Variants in KCNH6 observed in about 807,000 individuals in gnomAD.
KCNH6 encodes the protein voltage-gated inwardly rectifying potassium channel KCNH6.
A neutral mutation model predicts 83.4 loss-of-function variants in KCNH6; 81 were observed. That is an observed-to-expected ratio of 0.97 (90% confidence interval 0.81 to 1.17). The LOEUF is 1.17. Ranked by LOEUF, KCNH6 falls within the 50% of genes most tolerant of loss-of-function variation. The pLI is 0.00. For missense variants in KCNH6, 1,203 were observed against 1,290.5 expected (o/e 0.93, Z 1.04); for synonymous variants, 503 against 545.6 (o/e 0.92, Z 1.09).
chr17:63,545,551 A>C, intron 12 of KCNH6, 58 bp from the exon 13 acceptor site: 1 of 1,546,426 alleles, frequency 6.5e-7, no homozygotes, highest in Non-Finnish European at 8.8e-7. Context: ...CCCTGAAATC[A>C]GGGTGGATTA....
In KCNH6 at chr17:63,542,219, C is replaced by T. The variant is rs1401521311; in HGVS notation, c.1955-22C>T. Reference sequence around the variant, plus strand: ...AGCATGGAGTCAGACCCTGAAGAGACTCCCACCCCTCTGGCTGGCAGGAAA... The same window carrying T: ...AGCATGGAGTCAGACCCTGAAGAGATTCCCACCCCTCTGGCTGGCAGGAAA... On this transcript the variant is annotated intron_variant, in intron 8 of 12. Transcript: ENST00000314672. 1.9e-6 allele frequency: 3 copies of T among 1,611,544 alleles called. No homozygotes were observed. The African/African-American group carries it at 4.0e-5, about 22-fold the overall frequency.
At chr17:63,542,788 A>C (rs1326602772) in intron 9 of KCNH6, among the ~76,000 whole-genome samples, 1 of 152,234 alleles carries the variant, frequency 6.6e-6, no homozygotes, top group Non-Finnish European at 1.5e-5. Flanking sequence ...GTCTGACTCC[A>C]AAGCCCAGGC....
Position 63,535,241 on chromosome 17 carries a change from C to T in KCNH6, c.1102-428C>T, listed in dbSNP as rs778084215. On this transcript the variant is annotated intron_variant, in intron 5 of 12. Transcript: ENST00000314672. The surrounding 1 kb of genome is among the most constrained non-coding windows in gnomAD (Gnocchi z 4.9). ...GCTCCTCCATCTCCCATGTGCGCAT[C>T]GGGCTGCAGTGCCACACTCGGTTTC... Among the ~76,000 whole-genome samples, 10 of 152,214 alleles carry T rather than the reference C, an allele frequency of 6.6e-5. No homozygotes were observed. The highest frequency in any genetic ancestry group is 1.4e-4 in the African/African-American group (6 of 41,450).
intron 2 of KCNH6, among the ~76,000 whole-genome samples, chr17:63,528,320 G>T (rs2031852406): frequency 6.6e-6 from 1 of 152,176 alleles, no homozygotes; most frequent in Non-Finnish European, 1.5e-5. Context: ...AAGCAGGCAG[G>T]CGCCTCTCCC....
Position 63,538,008 on chromosome 17 carries a change from C to G in KCNH6, c.1502-57C>G. 5 of 1,550,694 alleles carry G rather than the reference C, an allele frequency of 3.2e-6. No homozygotes were observed. Among genetic ancestry groups the G allele is most frequent in the Non-Finnish European group, 4.4e-6 (5 of 1,137,210 alleles). On this transcript the variant is annotated intron_variant, in intron 6 of 12. Transcript: ENST00000314672. This position sits in a 1 kb window ranked among gnomAD's most constrained non-coding sequence, Gnocchi z 4.0. The stretch of plus-strand genomic sequence containing the variant: ...GGAAGGAGGAAGACCTGGGTAAGCC[C>G]TTGGTGGTGTGGCCCAGTGGGGCCG...
intron 6 of KCNH6, among the ~76,000 whole-genome samples, chr17:63,537,689 G>C (rs1352235465): frequency 1.3e-5 from 2 of 152,116 alleles, no homozygotes; most frequent in Non-Finnish European, 2.9e-5. Flanking sequence ...TGCCCACCTC[G>C]GCCTCCCAAA....
chr17:63,546,208 C>A lies in KCNH6; in HGVS notation c.*306C>A. 1 of 218,464 alleles carries A rather than the reference C, an allele frequency of 4.6e-6. No homozygotes were observed. Among genetic ancestry groups the A allele is most frequent in the Non-Finnish European group, 9.0e-6 (1 of 111,152 alleles). 13.5% of individuals were successfully genotyped at this position (218,464 alleles called of 1,614,324 possible). On this transcript the variant is annotated 3_prime_UTR_variant, in exon 13 of 13. Transcript: ENST00000314672. ...GGAGCCGAGGCCGCACCACTGCACT[C>A]CAGCCTGGGTGACAGAGTGAGACTC... is the stretch of plus-strand genomic sequence containing the variant.
intron 8 of KCNH6, among the ~76,000 whole-genome samples, chr17:63,540,141 C>T (rs1454612608): frequency 2.0e-5 from 3 of 152,164 alleles, no homozygotes; most frequent in Non-Finnish European, 4.4e-5. Flanking sequence ...CTACCTTAGA[C>T]GTGCCATCCA....
Position 63,545,736 on chromosome 17 carries a change from G to C in KCNH6, c.2711G>C (p.Gly904Ala). The C allele has an allele frequency of 6.2e-7, 1 of 1,614,056 alleles. No individual in the cohort carries two copies. ...TCCTCAGAACAGGAACAGCCTGAGG[G>C]GCTCTGGCCACCCCTAGCCTCACCT... ...APSSEQEQPEGLWPPLASPLH... is the reference protein window; with the variant it reads ...APSSEQEQPEALWPPLASPLH... The change falls in exon 13 of 13, where the codon GGG (glycine) becomes GCG (alanine). Residue 904 changes from glycine to alanine, a missense_variant. By Grantham distance (60) the Gly-to-Ala change is moderately conservative. Transcript: ENST00000314672.
In KCNH6 at chr17:63,542,257, T is replaced by C; in HGVS notation, c.1971T>C (p.Phe657=). Residue 657 remains phenylalanine, a synonymous_variant, in exon 9 of 13, where the codon TTT becomes TTC. Coordinates refer to ENST00000314672, the MANE Select transcript of KCNH6 (RefSeq NM_001278919.2). ...VVAILGKNDI[F]GEPVSLHAQP... is the part of the protein sequence containing the mutation. ...GGCTGGCAGGAAAGAATGACATCTT[T>C]GGGGAACCCGTCAGCCTCCATGCCC... 1.2e-6 allele frequency: 2 copies of C among 1,613,786 alleles called. No individual in the cohort carries two copies. The highest frequency in any genetic ancestry group is 1.7e-6 in the Non-Finnish European group (2 of 1,179,868).
At position 63,524,304 on chromosome 17, in the gene KCNH6, G is replaced by C; in HGVS notation, c.242G>C (p.Arg81Pro). ...AACACACCAAGCAGCGCCGTGTCCC[G>C]CCTAGCGCAGGCCCTGCTGGGGGCT... ...GPNTPSSAVS[R>P]LAQALLGAEE... Residue 81 changes from arginine (R) to proline (P), a missense_variant, in exon 2 of 13, where the codon CGC becomes CCC. Coordinates refer to ENST00000314672, the MANE Select transcript of KCNH6 (RefSeq NM_001278919.2). 1 of 1,613,930 alleles carries C rather than the reference G, an allele frequency of 6.2e-7. No individual in the cohort carries two copies. Among genetic ancestry groups the C allele is most frequent in the Non-Finnish European group, 8.5e-7 (1 of 1,180,004 alleles).
In KCNH6 at chr17:63,535,912, A is replaced by G; in HGVS notation, c.1345A>G (p.Asn449Asp). ...SLGVQLGKRY[N>D]GSDPASGPSV... ...GGGTGTGCAGCTTGGCAAGCGCTACAACGGCAGCGACCCAGCCTCGGGCCC... is the reference window on the plus strand; with the variant it reads ...GGGTGTGCAGCTTGGCAAGCGCTACGACGGCAGCGACCCAGCCTCGGGCCC... Residue 449 changes from asparagine (N) to aspartate (D), a missense_variant, in exon 6 of 13, where the codon AAC becomes GAC. Transcript: ENST00000314672. This position sits in a 1 kb window ranked among gnomAD's most constrained non-coding sequence, Gnocchi z 4.9. 14 of 1,614,058 alleles carry G rather than the reference A, an allele frequency of 8.7e-6. No homozygotes were observed. The highest frequency in any genetic ancestry group is 1.2e-5 in the Non-Finnish European group (14 of 1,180,040).
chr17:63,525,174 C>T (rs1392557026), intron 2 of KCNH6, among the ~76,000 whole-genome samples: 1 of 152,184 alleles, frequency 6.6e-6, no homozygotes, highest in Admixed American at 6.5e-5. Flanking sequence ...TGAGATGAGG[C>T]CAAGCGGGTG....
chr17:63,526,808 C>G (rs1273700825), intron 2 of KCNH6, among the ~76,000 whole-genome samples: 1 of 152,158 alleles, frequency 6.6e-6, no homozygotes, highest in East Asian at 1.9e-4. Context: ...TTTGTGTTCA[C>G]ATAGCTCCAC....
chr17:63,535,528 A>T lies in KCNH6; in HGVS notation c.1102-141A>T. ...ATGTCCCATACTGTGCCACACTGCC[A>T]AGTGCGTGGCCCGGAGGAAGTTCTC... On this transcript the variant is annotated intron_variant, in intron 5 of 12. Transcript: ENST00000314672. The surrounding 1 kb of genome is among the most constrained non-coding windows in gnomAD (Gnocchi z 4.9). The T allele has an allele frequency of 1.4e-6, 1 of 737,406 alleles. No homozygotes were observed. Among genetic ancestry groups the T allele is most frequent in the Non-Finnish European group, 2.2e-6 (1 of 455,936 alleles). 45.7% of individuals were successfully genotyped at this position (737,406 alleles called of 1,614,324 possible).
At position 63,545,756 on chromosome 17, in the gene KCNH6, T is replaced by G; in HGVS notation, c.2731T>G (p.Ser911Ala). ...QPEGLWPPLA[S>A]PLHPLEVQGL... ...TGAGGGGCTCTGGCCACCCCTAGCC[T>G]CACCTCTACATCCCCTGGAAGTACA... The change falls in exon 13 of 13, where the codon TCA (serine) becomes GCA (alanine). Residue 911 changes from serine to alanine, a missense_variant. Physicochemically the swap from Ser to Ala is moderately conservative, Grantham distance 99. Transcript: ENST00000314672. 6.2e-7 allele frequency: 1 copy of G among 1,614,128 alleles called. No individual in the cohort carries two copies. The highest frequency in any genetic ancestry group is 8.5e-7 in the Non-Finnish European group (1 of 1,180,022).
Position 63,535,798 on chromosome 17 carries a change from A to G in KCNH6, c.1231A>G (p.Ile411Val). The part of the protein sequence containing the change: ...LFLLMCTFAL[I>V]AHWLACIWYA... ...CTTGCTCATGTGCACCTTCGCGCTC[A>G]TAGCGCACTGGCTGGCCTGCATCTG... The change falls in exon 6 of 13, where the codon ATA becomes GTA. Residue 411 changes from isoleucine to valine, a missense_variant. By Grantham distance (29) the Ile-to-Val change is conservative. Coordinates refer to ENST00000314672, the MANE Select transcript of KCNH6 (RefSeq NM_001278919.2). The surrounding 1 kb of genome is among the most constrained non-coding windows in gnomAD (Gnocchi z 4.9). 1 of 1,614,248 alleles carries G rather than the reference A, an allele frequency of 6.2e-7. No homozygotes were observed. Among genetic ancestry groups the G allele is most frequent in the Middle Eastern group, 1.6e-4 (1 of 6,062 alleles).
Position 63,535,843 on chromosome 17 carries a change from G to A in KCNH6, c.1276G>A (p.Glu426Lys), listed in dbSNP as rs147877973. Residue 426 changes from glutamate (E) to lysine (K), a missense_variant, in exon 6 of 13, where the codon GAG becomes AAG. Coordinates refer to ENST00000314672, the MANE Select transcript of KCNH6 (RefSeq NM_001278919.2). The surrounding 1 kb of genome is among the most constrained non-coding windows in gnomAD (Gnocchi z 4.9). ...ACIWYAIGNV[E>K]RPYLEHKIGW... is the part of the protein sequence containing the mutation. ...CATCTGGTACGCCATCGGCAATGTG[G>A]AGCGGCCCTACCTAGAACACAAGAT... The A allele has an allele frequency of 3.5e-5, 56 of 1,614,226 alleles. No homozygotes were observed. The African/African-American group carries it at 6.3e-4, about 18-fold the overall frequency.
chr17:63,525,115 A>C (rs1266871043), intron 2 of KCNH6, among the ~76,000 whole-genome samples: 1 of 152,196 alleles, frequency 6.6e-6, no homozygotes. Flanking sequence ...TACCCAGAGC[A>C]TGTTTTCCAA....
Sources: gnomAD v4.1 joint callset for allele counts (sites outside exome capture counted in the v4.1 genomes callset) on GRCh38, gnomAD v4.1.1 for gene constraint, Gnocchi (gnomAD v3.1) non-coding constraint, MANE v1.5 for transcripts, NCBI Gene and HGNC (gene_info 2026-07-23, HGNC 2026-07-21) for gene names.